Variants in ZNF831 observed in about 807,000 individuals in gnomAD.
ZNF831 encodes zinc finger protein 831.
A neutral mutation model predicts 95.8 loss-of-function variants in ZNF831; 59 were observed. That is an observed-to-expected ratio of 0.62 (90% CI 0.50 to 0.77). The LOEUF is 0.77. Among genes scored for constraint, ZNF831 ranks in the 30% least tolerant of loss-of-function variants. ZNF831 has a pLI of 0.00. For missense variants in ZNF831, 2,205 were observed against 2,164.0 expected (o/e 1.02, Z -0.38); for synonymous variants, 961 against 925.5 (o/e 1.04, Z -0.70).
intron 2 of ZNF831, among the ~76,000 whole-genome samples, chr20:59,156,978 G>A (rs757965880): frequency 1.3e-5 from 2 of 152,246 alleles, no homozygotes; most frequent in South Asian, 2.1e-4. Context: ...TATGGGATAC[G>A]TGGGATATTT....
chr20:59,143,421 TC>T (rs1420886688), intron 1 of ZNF831, among the ~76,000 whole-genome samples: 1 of 152,196 alleles, frequency 6.6e-6, no homozygotes, highest in Non-Finnish European at 1.5e-5. Context: ...TAGCTGGTCG[TC>T]CCTTCCTTGA....
At chr20:59,187,640 G>T (rs1983164450) in intron 1 of ZNF831, among the ~76,000 whole-genome samples, 1 of 152,088 alleles carries the variant, frequency 6.6e-6, no homozygotes, top group Non-Finnish European at 1.5e-5. Context: ...TACAATTGAG[G>T]TAAAATTCAC....
intron 4 of ZNF831, among the ~76,000 whole-genome samples, chr20:59,233,200 G>A (rs1986830918): frequency 1.3e-5 from 2 of 152,248 alleles, no homozygotes; most frequent in African/African-American, 4.8e-5. Context: ...GCATGAAGTT[G>A]AGAGTCATCA....
intron 1 of ZNF831, among the ~76,000 whole-genome samples, chr20:59,141,833 T>G (rs1979690105): frequency 6.6e-6 from 1 of 152,186 alleles, no homozygotes; most frequent in Non-Finnish European, 1.5e-5. Flanking sequence ...TCAGTTAAAA[T>G]AAAAATATAA....
intron 4 of ZNF831, among the ~76,000 whole-genome samples, chr20:59,218,375 G>A (rs765974280): frequency 3.3e-5 from 5 of 152,182 alleles, no homozygotes; most frequent in African/African-American, 1.2e-4. Context: ...AACTCTGCAT[G>A]CCTGTATTAG....
At chr20:59,196,831 G>A (rs1468729190) in intron 3 of ZNF831, among the ~76,000 whole-genome samples, 1 of 152,014 alleles carries the variant, frequency 6.6e-6, no homozygotes, top group Non-Finnish European at 1.5e-5. Context: ...AGGCTGGAGT[G>A]CAGTGGCGTG....
At chr20:59,210,317 C>CT (rs1400936746) in intron 4 of ZNF831, among the ~76,000 whole-genome samples, 4 of 152,266 alleles carry the variant, frequency 2.6e-5, no homozygotes, top group Non-Finnish European at 4.4e-5. Flanking sequence ...ATGCTGATAG[C>CT]TATGGGGCCC....
At chr20:59,150,333 G>A (rs755399195) in intron 2 of ZNF831, among the ~76,000 whole-genome samples, 59 of 152,148 alleles carry the variant, frequency 3.9e-4, no homozygotes, top group Non-Finnish European at 7.8e-4. Flanking sequence ...CAGGATATAA[G>A]TCGTAATGGA....
At chr20:59,240,476 G>A (rs1380937435) in intron 4 of ZNF831, among the ~76,000 whole-genome samples, 1 of 152,116 alleles carries the variant, frequency 6.6e-6, no homozygotes, top group Non-Finnish European at 1.5e-5. Context: ...ATCTAGAAAT[G>A]AGATTTACTG....
intron 4 of ZNF831, among the ~76,000 whole-genome samples, chr20:59,222,956 C>A (rs2146678419): frequency 6.6e-6 from 1 of 152,272 alleles, no homozygotes; most frequent in African/African-American, 2.4e-5. Context: ...CGGCTGGGAC[C>A]CCCCGCTGAG....
intron 4 of ZNF831, among the ~76,000 whole-genome samples, chr20:59,248,313 G>T (rs935943821): frequency 6.6e-6 from 1 of 152,340 alleles, no homozygotes; most frequent in Non-Finnish European, 1.5e-5. Context: ...TTAAAATTTG[G>T]CCAGGGAACT....
intron 4 of ZNF831, among the ~76,000 whole-genome samples, chr20:59,246,775 G>C (rs1053343342): frequency 6.6e-6 from 1 of 152,132 alleles, no homozygotes; most frequent in African/African-American, 2.4e-5. Flanking sequence ...ATTACTTAGA[G>C]GCAAACTTTC....
At chr20:59,213,064 A>T (rs994986162) in intron 4 of ZNF831, among the ~76,000 whole-genome samples, 12 of 152,336 alleles carry the variant, frequency 7.9e-5, no homozygotes, top group African/African-American at 2.9e-4. Context: ...TGAATATCAG[A>T]GGCTTAAGAG....
chr20:59,220,333 G>C (rs566260771), intron 4 of ZNF831, among the ~76,000 whole-genome samples: 1 of 152,324 alleles, frequency 6.6e-6, no homozygotes, highest in South Asian at 2.1e-4. Flanking sequence ...CACCAGGTGC[G>C]CCTTGCGGGG....
chr20:59,136,225 C>T (rs1443913985), intron 1 of ZNF831, among the ~76,000 whole-genome samples: 1 of 152,176 alleles, frequency 6.6e-6, no homozygotes, highest in East Asian at 1.9e-4. Flanking sequence ...CCTTCCCCTC[C>T]TGCCTCATCT....
At chr20:59,203,741 G>A (rs1984692041) in intron 3 of ZNF831, among the ~76,000 whole-genome samples, 1 of 151,986 alleles carries the variant, frequency 6.6e-6, no homozygotes, top group Non-Finnish European at 1.5e-5. Flanking sequence ...ATACCACACT[G>A]TAATGAAAAT....
In ZNF831 at chr20:59,193,009, G is replaced by A. The variant is rs1307729124; in HGVS notation, c.1990G>A (p.Ala664Thr). ...ACTGGGCTTTCCTCTGCAGAAAGAGGCAGCAGGGAGCTCAGGCACAGTCCC... is the reference window on the plus strand; with the variant it reads ...ACTGGGCTTTCCTCTGCAGAAAGAGACAGCAGGGAGCTCAGGCACAGTCCC... ...AELGFPLQKEAAGSSGTVPTQ... is the reference protein window; with the variant it reads ...AELGFPLQKETAGSSGTVPTQ... The change falls in exon 2 of 6, where the codon GCA (alanine) becomes ACA (threonine). Residue 664 changes from alanine (A) to threonine (T), a missense_variant. Physicochemically the swap from Ala to Thr is moderately conservative, Grantham distance 58. Transcript: ENST00000371030. 1 of 1,574,090 alleles carries A rather than the reference G, an allele frequency of 6.4e-7. No homozygotes were observed. The highest frequency in any genetic ancestry group is 8.6e-7 in the Non-Finnish European group (1 of 1,161,798).
intron 4 of ZNF831, among the ~76,000 whole-genome samples, chr20:59,237,981 A>G (rs1228398329): frequency 6.6e-6 from 1 of 152,214 alleles, no homozygotes; most frequent in Non-Finnish European, 1.5e-5. Context: ...TTTTTTTAGC[A>G]TAAGTATGTC....
intron 3 of ZNF831, among the ~76,000 whole-genome samples, chr20:59,202,614 T>G (rs1984613386): frequency 6.6e-6 from 1 of 152,002 alleles, no homozygotes; most frequent in African/African-American, 2.4e-5. Flanking sequence ...GGGTAGGGAG[T>G]ATTTATTTCT....
Sources: gnomAD v4.1 joint callset for allele counts (sites outside exome capture counted in the v4.1 genomes callset) on GRCh38, gnomAD v4.1.1 for gene constraint, MANE v1.5 for transcripts, NCBI Gene and HGNC (gene_info 2026-07-23, HGNC 2026-07-21) for gene names.